The following PIK3R6 variants were observed in gnomAD, a reference collection of about 807,000 sequenced individuals.
The protein encoded by PIK3R6 is phosphoinositide-3-kinase regulatory subunit 6.
PIK3R6 carries 91 observed loss-of-function variants against 84.9 expected under a neutral mutation model. That is an observed-to-expected ratio of 1.07 (90% CI 0.90 to 1.28). PIK3R6 has a LOEUF of 1.28. PIK3R6 is among the 50% of genes most tolerant of loss of function. The probability of loss-of-function intolerance (pLI) is 0.00; values close to 1 mark genes in which losing one functional copy is unlikely to be tolerated. For missense variants in PIK3R6, 996 were observed against 985.1 expected, an observed-to-expected ratio of 1.01 and a Z score of -0.15; for synonymous variants, 416 against 411.4, an observed-to-expected ratio of 1.01 and a Z score of -0.13.
intron 18 of PIK3R6, among the ~76,000 whole-genome samples, chr17:8,810,788 C>T (rs894613437): frequency 6.7e-6 from 1 of 148,832 alleles, no homozygotes; most frequent in Non-Finnish European, 1.5e-5. Flanking sequence ...TGGTCTTGGA[C>T]AGCTCTGCCC....
At position 8,833,023 on chromosome 17, in the gene PIK3R6, T is replaced by G; in HGVS notation, c.668A>C (p.Glu223Ala). ...GGCCACCACGGCGTGGAAATAGTGC[T>G]CCAGGGTGCGGCGAGGGCTGGCCTG... ...KLQASPRRTL[E>A]HYFHAVVAAL... Residue 223 changes from glutamate to alanine, a missense_variant, in exon 9 of 20, where the codon GAG becomes GCG. Physicochemically the swap from Glu to Ala is moderately radical, Grantham distance 107. Coordinates refer to ENST00000619866, the MANE Select transcript of PIK3R6 (RefSeq NM_001010855.4). 1 of 1,606,006 alleles carries G rather than the reference T, an allele frequency of 6.2e-7. No homozygotes were observed. Among genetic ancestry groups the G allele is most frequent in the Non-Finnish European group, 8.5e-7 (1 of 1,178,074 alleles).
intron 18 of PIK3R6, among the ~76,000 whole-genome samples, chr17:8,807,414 A>G (rs2087236789): frequency 6.6e-6 from 1 of 152,156 alleles, no homozygotes; most frequent in Non-Finnish European, 1.5e-5. Context: ...ATAGTGTCAC[A>G]AATGTTTCCA....
Position 8,803,996 on chromosome 17 carries a change from G to C in PIK3R6, c.2108+45C>G. On this transcript the variant is annotated intron_variant, in intron 19 of 19. Coordinates refer to ENST00000619866, the MANE Select transcript of PIK3R6 (RefSeq NM_001010855.4). This position sits in a 1 kb window ranked among gnomAD's most constrained non-coding sequence, Gnocchi z 5.0. ...CAGGAGCTGGCTCCTGCTTCAGTTT[G>C]TCCCACGGGCCCTGGACATCTAGGG... 6.5e-7 allele frequency: 1 copy of C among 1,528,422 alleles called. No homozygotes were observed. The highest frequency in any genetic ancestry group is 9.0e-7 in the Non-Finnish European group (1 of 1,105,130). The allele number at this position is 1,528,422 out of a possible 1,614,324, so 94.7% of individuals were successfully genotyped here. A position where few individuals can be genotyped will look rare whatever the true frequency, so the allele number is the denominator to read the frequency against.
chr17:8,829,501 GAC>G (rs10608110), intron 10 of PIK3R6, among the ~76,000 whole-genome samples: 49,368 of 122,948 alleles, frequency 0.4, 8,630 homozygotes, highest in Middle Eastern at 0.43. Context: ...CACACACACT[GAC>G]ACACACTCAT....
In PIK3R6 at chr17:8,803,601, C is replaced by T; in HGVS notation, c.2109-172G>A. On this transcript the variant is annotated intron_variant, in intron 19 of 19. Transcript: ENST00000619866. The surrounding 1 kb of genome is among the most constrained non-coding windows in gnomAD (Gnocchi z 5.0). ...TCAGGACAAGAAAGAAAAACCTGGG[C>T]CTGGGGTTCACCGGGAGAGGAGACA... 1 of 662,176 alleles carries T rather than the reference C, an allele frequency of 1.5e-6. No homozygotes were observed. Among genetic ancestry groups the T allele is most frequent in the South Asian group, 2.2e-5 (1 of 45,790 alleles). 41.0% of individuals were successfully genotyped at this position (662,176 alleles called of 1,614,324 possible).
Position 8,826,161 on chromosome 17 carries a change from G to T in PIK3R6, c.1515+1011C>A, listed in dbSNP as rs569569314. 2.0e-5 allele frequency among the ~76,000 whole-genome samples: 3 copies of T among 152,306 alleles called. No homozygotes were observed. In the South Asian group the frequency reaches 6.2e-4, roughly 32 times the overall value. ...GTAAAACGGGGCTATGGTGACAATG[G>T]TACCTACCAACAGGGGCACCTGCCT... On this transcript the variant is annotated intron_variant, in intron 13 of 19. Transcript: ENST00000619866.
At chr17:8,856,630 T>C (rs747563833) in intron 1 of PIK3R6, among the ~76,000 whole-genome samples, 1 of 152,052 alleles carries the variant, frequency 6.6e-6, no homozygotes, top group Non-Finnish European at 1.5e-5. Context: ...AACCCCAGGA[T>C]GTTGATGTCG....
chr17:8,853,214 A>G (rs985710770), intron 1 of PIK3R6, among the ~76,000 whole-genome samples: 8 of 151,878 alleles, frequency 5.3e-5, no homozygotes, highest in African/African-American at 9.7e-5. Flanking sequence ...GGTGGGGCGC[A>G]GTAGCTCACG....
chr17:8,822,464 G>A (rs2087769736), intron 16 of PIK3R6, 123 bp downstream of exon 16: 17 of 1,122,518 alleles, frequency 1.5e-5, no homozygotes, highest in Non-Finnish European at 2.1e-5. Flanking sequence ...AACTCTGCGG[G>A]CAGCTTCAAG....
At chr17:8,858,211 C>CA (rs2089188478) in intron 1 of PIK3R6, among the ~76,000 whole-genome samples, 1 of 151,408 alleles carries the variant, frequency 6.6e-6, no homozygotes, top group Admixed American at 6.6e-5. Flanking sequence ...GCATCAACAT[C>CA]AAATGTGTCT....
intron 4 of PIK3R6, 147 bp from the exon 5 acceptor site, chr17:8,838,018 G>A (rs962575387): frequency 1.5e-6 from 1 of 676,480 alleles, no homozygotes; most frequent in Non-Finnish European, 2.6e-6. Context: ...TCTGGATAGA[G>A]GAGTGGGGAG....
At chr17:8,853,484 C>CAAAAAAAAAAAAAAAAA (rs56939877) in intron 1 of PIK3R6, among the ~76,000 whole-genome samples, 1 of 104,460 alleles carries the variant, frequency 9.6e-6, no homozygotes, top group Non-Finnish European at 2.0e-5. Flanking sequence ...GACTCCATCT[C>CAAAAAAAAAAAAAAAAA]AAAAAAAAAA....
At chr17:8,851,496 C>CAA (rs1351642839) in intron 1 of PIK3R6, among the ~76,000 whole-genome samples, 1 of 151,572 alleles carries the variant, frequency 6.6e-6, no homozygotes, top group Non-Finnish European at 1.5e-5. Flanking sequence ...GACTCCGTCC[C>CAA]AAAACAAAAC....
At position 8,803,150 on chromosome 17, in the gene PIK3R6, G is replaced by T; in HGVS notation, c.*123C>A. ...AGGCTCCCTGTGCTCCCAGGCACTCGCTGGCTCCTGGTCAAGGCCAAAGCT... is the reference window on the plus strand; with the variant it reads ...AGGCTCCCTGTGCTCCCAGGCACTCTCTGGCTCCTGGTCAAGGCCAAAGCT... On this transcript the variant is annotated 3_prime_UTR_variant, in exon 20 of 20. Coordinates refer to ENST00000619866, the MANE Select transcript of PIK3R6 (RefSeq NM_001010855.4). This position sits in a 1 kb window ranked among gnomAD's most constrained non-coding sequence, Gnocchi z 5.0. 1 of 1,319,162 alleles carries T rather than the reference G, an allele frequency of 7.6e-7. No homozygotes were observed. Among genetic ancestry groups the T allele is most frequent in the South Asian group, 1.4e-5 (1 of 72,468 alleles). The allele number at this position is 1,319,162 out of a possible 1,614,324, so 81.7% of individuals were successfully genotyped here. A position where few individuals can be genotyped will look rare whatever the true frequency, so the allele number is the denominator to read the frequency against.
chr17:8,832,432 G>T (rs1040012220), intron 9 of PIK3R6, among the ~76,000 whole-genome samples: 1 of 143,750 alleles, frequency 7.0e-6, no homozygotes, highest in Non-Finnish European at 1.5e-5. Flanking sequence ...GCCCAGGCTG[G>T]AGTACAGTAG....
chr17:8,840,370 A>G (rs2151279314), intron 2 of PIK3R6, among the ~76,000 whole-genome samples: 1 of 139,460 alleles, frequency 7.2e-6, no homozygotes, highest in South Asian at 2.3e-4. Context: ...ATGTATATGA[A>G]ATATATATAG....
intron 1 of PIK3R6, among the ~76,000 whole-genome samples, chr17:8,853,147 C>T (rs1033607610): frequency 3.3e-5 from 5 of 151,926 alleles, no homozygotes; most frequent in Admixed American, 6.6e-5. Flanking sequence ...TGGCTGAATT[C>T]GGAAGATACA....
At chr17:8,804,180 G>C in intron 18 of PIK3R6, 27 bp from the exon 19 acceptor site, 1 of 1,589,154 alleles carries the variant, frequency 6.3e-7, no homozygotes, top group Non-Finnish European at 8.6e-7. Context: ...GCACGTGTGA[G>C]TGTTGCCTTT....
At position 8,827,304 on chromosome 17, in the gene PIK3R6, A is replaced by T; in HGVS notation, c.1393-10T>A. ...TGGATGCTGCAGGCTTCTGGGGGAA[A>T]GGGGATGGGGCAGACCCGTCAGGCC... On this transcript the variant is annotated splice_polypyrimidine_tract_variant and intron_variant, in intron 12 of 19. Transcript: ENST00000619866. 1 of 1,550,574 alleles carries T rather than the reference A, an allele frequency of 6.4e-7. No individual in the cohort carries two copies. The highest frequency in any genetic ancestry group is 8.7e-7 in the Non-Finnish European group (1 of 1,147,406).
Sources: gnomAD v4.1 joint callset for allele counts (sites outside exome capture counted in the v4.1 genomes callset) on GRCh38, gnomAD v4.1.1 for gene constraint, Gnocchi (gnomAD v3.1) non-coding constraint, MANE v1.5 for transcripts, NCBI Gene and HGNC (gene_info 2026-07-23, HGNC 2026-07-21) for gene names.